LRRTM4: variants seen among roughly 807,000 people sequenced by gnomAD.
LRRTM4 encodes the protein leucine rich repeat transmembrane neuronal 4.
A neutral mutation model predicts 47.6 loss-of-function variants in LRRTM4; 25 were observed. The observed-to-expected ratio is 0.53, with a 90% CI of 0.38 to 0.73. The LOEUF (loss-of-function observed/expected upper bound fraction) is 0.73. Ranked by LOEUF, LRRTM4 falls within the 30% of genes least tolerant of loss-of-function variation. The pLI is 0.00. For synonymous variants in LRRTM4, 311 were observed against 269.5 expected, an observed-to-expected ratio of 1.15 and a Z score of -1.51; for missense variants, 638 against 713.4, an observed-to-expected ratio of 0.89 and a Z score of 1.20.
chr2:77,493,558 G>A (rs991488684), intron 3 of LRRTM4, among the ~76,000 whole-genome samples: 5 of 151,940 alleles, frequency 3.3e-5, no homozygotes, highest in African/African-American at 1.2e-4. Flanking sequence ...ATATAGTTGA[G>A]AATCTCTTAA....
At chr2:77,456,560 C>G (rs1375854389) in intron 3 of LRRTM4, among the ~76,000 whole-genome samples, 2 of 152,090 alleles carry the variant, frequency 1.3e-5, no homozygotes, top group African/African-American at 4.8e-5. Flanking sequence ...TCCTCATTCT[C>G]TCTCCATTAG....
At chr2:77,253,836 G>A (rs1333260426) in intron 3 of LRRTM4, among the ~76,000 whole-genome samples, 1 of 151,938 alleles carries the variant, frequency 6.6e-6, no homozygotes, top group Non-Finnish European at 1.5e-5. Flanking sequence ...AAAATACCCT[G>A]GAGGGAGAAA....
intron 3 of LRRTM4, among the ~76,000 whole-genome samples, chr2:77,022,481 A>G (rs994388380): frequency 6.6e-6 from 1 of 152,188 alleles, no homozygotes; most frequent in African/African-American, 2.4e-5. Flanking sequence ...TGAAAGTTTC[A>G]TCTGAGACAA....
intron 3 of LRRTM4, among the ~76,000 whole-genome samples, chr2:76,997,825 G>A (rs55985303): frequency 0.36 from 55,292 of 151,534 alleles, 11,617 homozygotes; most frequent in East Asian, 0.57. Context: ...AGCTTGCATT[G>A]CTGCCTGAGT....
chr2:77,449,139 A>T (rs895706870), intron 3 of LRRTM4, among the ~76,000 whole-genome samples: 6 of 152,170 alleles, frequency 3.9e-5, no homozygotes, highest in African/African-American at 1.4e-4. Flanking sequence ...CTGAAAAAGG[A>T]CCTAAAATCT....
chr2:77,376,976 A>G (rs1558714904), intron 3 of LRRTM4, among the ~76,000 whole-genome samples: 1 of 151,800 alleles, frequency 6.6e-6, no homozygotes, highest in Non-Finnish European at 1.5e-5. Flanking sequence ...CCATATGTTT[A>G]TATTTATTTA....
chr2:76,928,568 C>T (rs910177992), intron 3 of LRRTM4, among the ~76,000 whole-genome samples: 4 of 152,074 alleles, frequency 2.6e-5, no homozygotes, highest in Non-Finnish European at 5.9e-5. Flanking sequence ...ATTTTAAAGG[C>T]AGTCGTGCCT....
At chr2:76,913,309 AT>A (rs1041879785) in intron 3 of LRRTM4, among the ~76,000 whole-genome samples, 5 of 148,556 alleles carry the variant, frequency 3.4e-5, no homozygotes, top group South Asian at 2.1e-4. Flanking sequence ...ATTACTGGGT[AT>A]TTTTTTTTCT....
intron 3 of LRRTM4, among the ~76,000 whole-genome samples, chr2:76,995,710 T>C (rs1049652841): frequency 1.9e-4 from 29 of 151,988 alleles, no homozygotes; most frequent in Non-Finnish European, 1.9e-4. Context: ...GCCATATAGA[T>C]TCAGGAACTA....
chr2:76,819,224 ATATAT>A (rs748586968), intron 3 of LRRTM4, among the ~76,000 whole-genome samples: 172 of 149,490 alleles, frequency 1.2e-3, no homozygotes, highest in Non-Finnish European at 1.8e-3. Flanking sequence ...TGTGCCTTAT[ATATAT>A]TATATCATAG....
chr2:77,207,624 C>G (rs866931894), intron 3 of LRRTM4, among the ~76,000 whole-genome samples: 6 of 151,358 alleles, frequency 4.0e-5, no homozygotes, highest in Non-Finnish European at 8.8e-5. Flanking sequence ...CTTGATGTCT[C>G]GTTATGCTAC....
rs145451415 is a variant in LRRTM4, at chr2:77,478,985, C to A, written c.1551+39333G>T. ...TCTAGGCTCACTGCAACCTCCGCCT[C>A]CCGGGTTCAAGCAATTCTCCTGCCT... On this transcript the variant is annotated intron_variant, in intron 3 of 3. Transcript: ENST00000409884. Among the ~76,000 whole-genome samples, 205 of 152,236 alleles carry A rather than the reference C, an allele frequency of 1.3e-3. 1 individual carries two copies. The highest frequency in any genetic ancestry group is 4.8e-3 in the African/African-American group (200 of 41,546).
rs76275441 is a variant in LRRTM4 at position 77,512,693 on chromosome 2, A to C, written c.1551+5625T>G. 7.5e-3 allele frequency among the ~76,000 whole-genome samples: 1,143 copies of C among 152,206 alleles called. 35 individuals carry two copies. The East Asian group carries it at 0.11, about 15-fold the overall frequency. ...AAGCATAAAACTATCTCTAAATGCAATTCCTGAGAAGAACTAGGGATGATT... is the reference window on the plus strand; with the variant it reads ...AAGCATAAAACTATCTCTAAATGCACTTCCTGAGAAGAACTAGGGATGATT... On this transcript the variant is annotated intron_variant, in intron 3 of 3. Transcript: ENST00000409884.
chr2:76,838,114 GA>G (rs1671570569), intron 3 of LRRTM4, among the ~76,000 whole-genome samples: 5 of 66,442 alleles, frequency 7.5e-5, no homozygotes, highest in Middle Eastern at 0.013. Flanking sequence ...AAGAATGGAA[GA>G]AGAAGAAAAA....
At chr2:77,381,288 CT>C (rs1673041677) in intron 3 of LRRTM4, among the ~76,000 whole-genome samples, 1 of 152,014 alleles carries the variant, frequency 6.6e-6, no homozygotes, top group South Asian at 2.1e-4. Flanking sequence ...AGTCAATGGG[CT>C]TTCCACAAAT....
chr2:77,353,056 CAT>C (rs1183931466), intron 3 of LRRTM4, among the ~76,000 whole-genome samples: 2 of 151,948 alleles, frequency 1.3e-5, no homozygotes, highest in African/African-American at 2.4e-5. Context: ...AAGTTTAACA[CAT>C]GTGATAAATG....
intron 3 of LRRTM4, among the ~76,000 whole-genome samples, chr2:76,830,515 CGTGTGTGTGTGTGTGTGTGT>C: frequency 6.9e-6 from 1 of 144,088 alleles, no homozygotes; most frequent in African/African-American, 2.5e-5. Flanking sequence ...GCAGTGTGTG[CGTGTGTGTGTGTGTGTGTGT>C]GTGTGTGTGT....
rs185371818 is a variant in LRRTM4 at position 77,343,726 on chromosome 2, G to C, written c.1551+174592C>G. Among the ~76,000 whole-genome samples the C allele has an allele frequency of 6.7e-3, 1,024 of 151,942 alleles. 13 individuals are homozygous for C. The highest frequency in any genetic ancestry group is 0.023 in the African/African-American group (972 of 41,498). On this transcript the variant is annotated intron_variant, in intron 3 of 3. Coordinates refer to ENST00000409884, the MANE Select transcript of LRRTM4 (RefSeq NM_001134745.3). ...ATTTACTGTTGTGAAAAGCTGATAT[G>C]TTTATATTAACAGTGGTGATATATA...
chr2:76,992,974 C>T (rs1573416963), intron 3 of LRRTM4, among the ~76,000 whole-genome samples: 1 of 151,704 alleles, frequency 6.6e-6, no homozygotes. Flanking sequence ...AAGCCCACAC[C>T]TACAACCATC....
Sources: gnomAD v4.1 joint callset for allele counts (sites outside exome capture counted in the v4.1 genomes callset) on GRCh38, gnomAD v4.1.1 for gene constraint, MANE v1.5 for transcripts, NCBI Gene and HGNC (gene_info 2026-07-23, HGNC 2026-07-21) for gene names.